CPNE3: variants seen among roughly 807,000 people sequenced by gnomAD.
CPNE3 encodes the protein copine-3.
In CPNE3, 68 loss-of-function variants were observed where a neutral mutation model predicts 63.9. That is an observed-to-expected ratio of 1.06 (90% CI 0.87 to 1.30). The LOEUF (loss-of-function observed/expected upper bound fraction) is 1.30. Among genes scored for constraint, CPNE3 ranks in the 50% most tolerant of loss-of-function variants. The pLI, the probability that CPNE3 is intolerant of heterozygous loss-of-function variation, is 0.00. For synonymous variants in CPNE3, 219 were observed against 197.5 expected (o/e 1.11, Z -0.91); for missense variants, 665 against 578.1 (o/e 1.15, Z -1.54).
chr8:86,540,632 A>G (rs1331944946), intron 8 of CPNE3, among the ~76,000 whole-genome samples: 1 of 152,178 alleles, frequency 6.6e-6, no homozygotes, highest in African/African-American at 2.4e-5. Flanking sequence ...CCTTTTAATA[A>G]GATTCCTCTG....
intron 6 of CPNE3, 129 bp from the exon 7 acceptor site, chr8:86,537,434 A>T (rs1185615300): frequency 4.7e-6 from 3 of 632,106 alleles, no homozygotes; most frequent in Non-Finnish European, 8.6e-6. Flanking sequence ...AGGTGATGGG[A>T]TGTATATTTA....
intron 7 of CPNE3, among the ~76,000 whole-genome samples, chr8:86,539,131 A>G (rs148802695): frequency 6.6e-6 from 1 of 152,158 alleles, no homozygotes; most frequent in Admixed American, 6.5e-5. Context: ...ATGGATTGTT[A>G]TAACAGTGTA....
chr8:86,542,110 A>G (rs949917375), intron 8 of CPNE3, among the ~76,000 whole-genome samples: 1 of 152,216 alleles, frequency 6.6e-6, no homozygotes, highest in Non-Finnish European at 1.5e-5. Context: ...TCTCTAATGA[A>G]TGTCTTCCAT....
At chr8:86,520,588 T>C (rs1820414369) in intron 2 of CPNE3, among the ~76,000 whole-genome samples, 1 of 150,654 alleles carries the variant, frequency 6.6e-6, no homozygotes, top group South Asian at 2.1e-4. Flanking sequence ...TGAAAAAACC[T>C]GAAGCCTGGA....
chr8:86,515,758 T>TGTCA (rs1820285364), intron 2 of CPNE3, among the ~76,000 whole-genome samples: 1 of 152,192 alleles, frequency 6.6e-6, no homozygotes, highest in East Asian at 1.9e-4. Context: ...GTAAAACATT[T>TGTCA]AGCAAAGTGC....
intron 14 of CPNE3, 59 bp from the exon 15 acceptor site, chr8:86,554,792 A>T: frequency 1.3e-6 from 2 of 1,590,270 alleles, no homozygotes; most frequent in Non-Finnish European, 1.7e-6. Flanking sequence ...AGTATTGTGA[A>T]TAAACACATT....
At chr8:86,555,026 G>C in intron 15 of CPNE3, 42 bp downstream of exon 15, 2 of 1,610,752 alleles carry the variant, frequency 1.2e-6, no homozygotes, top group African/African-American at 1.3e-5. Context: ...ATGTGGATTG[G>C]TAGCAGCTCC....
intron 16 of CPNE3, among the ~76,000 whole-genome samples, 180 bp from the exon 17 acceptor site, chr8:86,558,108 A>G (rs1489068999): frequency 6.6e-6 from 1 of 152,260 alleles, no homozygotes; most frequent in African/African-American, 2.4e-5. Flanking sequence ...AATAGCAATC[A>G]TAAGTAACAT....
At chr8:86,543,523 CT>C (rs559130315) in intron 8 of CPNE3, among the ~76,000 whole-genome samples, 236 of 152,232 alleles carry the variant, frequency 1.6e-3, no homozygotes, top group African/African-American at 5.4e-3. Context: ...ATAAAGCTCT[CT>C]ATTGGCTGAT....
At chr8:86,551,278 A>C in intron 14 of CPNE3, 44 bp downstream of exon 14, 2 of 1,278,370 alleles carry the variant, frequency 1.6e-6, no homozygotes, top group Non-Finnish European at 2.3e-6. Flanking sequence ...GGAAAGGCTC[A>C]CTAGTCTTTG....
At chr8:86,547,408 A>G in intron 10 of CPNE3, 1 of 230,508 alleles carries the variant, frequency 4.3e-6, no homozygotes. Context: ...GTTGACTGCT[A>G]TGCTTTTTAA....
chr8:86,517,455 G>A (rs1300478609), intron 2 of CPNE3, among the ~76,000 whole-genome samples: 1 of 152,058 alleles, frequency 6.6e-6, no homozygotes, highest in Non-Finnish European at 1.5e-5. Context: ...AGTTTACCAC[G>A]CCTTTAGACT....
chr8:86,545,370 G>A (rs998707617), intron 9 of CPNE3: 1 of 152,182 alleles, frequency 6.6e-6, no homozygotes, highest in South Asian at 2.1e-4. Flanking sequence ...CTGAAAGCTG[G>A]GGGCAGACCT....
In CPNE3 at chr8:86,561,397, G is replaced by T. The variant is rs1301817761; in HGVS notation, c.*2987G>T. ...TACATTTGAATTCCTTTTGGATAAA[G>T]TTATTTCTTGATGTGACAGAGTAGT... On this transcript the variant is annotated 3_prime_UTR_variant, in exon 17 of 17. Coordinates refer to ENST00000517490, the MANE Select transcript of CPNE3 (RefSeq NM_003909.5). 6.6e-6 allele frequency: 1 copy of T among 152,168 alleles called. No individual in the cohort carries two copies. The highest frequency in any genetic ancestry group is 1.9e-4 in the East Asian group (1 of 5,198). 9.4% of individuals were successfully genotyped at this position (152,168 alleles called of 1,614,324 possible).
chr8:86,551,426 G>T, intron 14 of CPNE3, 192 bp downstream of exon 14: 1 of 561,704 alleles, frequency 1.8e-6, no homozygotes, highest in Non-Finnish European at 3.1e-6. Context: ...GGTTAGGGTG[G>T]TAATGGTAAT....
At chr8:86,525,787 G>T (rs1490084804) in intron 2 of CPNE3, among the ~76,000 whole-genome samples, 1 of 151,668 alleles carries the variant, frequency 6.6e-6, no homozygotes, top group African/African-American at 2.4e-5. Context: ...ATGTTTTTTT[G>T]GGGGAAGCTT....
intron 2 of CPNE3, among the ~76,000 whole-genome samples, chr8:86,527,979 GTC>G (rs1323814340): frequency 2.0e-4 from 8 of 40,834 alleles, no homozygotes; most frequent in Admixed American, 2.2e-4. Context: ...TTTAGACAGA[GTC>G]TCTATTGCCC....
chr8:86,522,538 A>C lies in CPNE3; in HGVS notation c.-10-5998A>C, dbSNP rs866966685. On this transcript the variant is annotated intron_variant, in intron 2 of 16. Coordinates refer to ENST00000517490, the MANE Select transcript of CPNE3 (RefSeq NM_003909.5). ...TTTGGATTTACAGCCATATTACCTG[A>C]CGCCCGCTGCTTTTTTTTTTTTTTT... Among the ~76,000 whole-genome samples, 19 of 123,292 alleles carry C rather than the reference A, an allele frequency of 1.5e-4. No individual in the cohort carries two copies. The South Asian group carries it at 1.6e-3, about 11-fold the overall frequency. 80.9% of individuals were successfully genotyped at this position (123,292 alleles called of 152,430 possible).
Position 86,531,229 on chromosome 8 carries a change from G to T in CPNE3, c.387G>T (p.Thr129=), listed in dbSNP as rs367956394. The stretch of plus-strand genomic sequence containing the variant: ...GACCTGCAGGAAAAGGGAGCATTAC[G>T]GTAAAAATAAGATATTTGTCTTTTG... ...TGRPAGKGSI[T]ISAEEIKDNR... Residue 129 remains threonine, a splice_region_variant and synonymous_variant, in exon 5 of 17, where the codon ACG becomes ACT. Transcript: ENST00000517490. 1.1e-5 allele frequency: 12 copies of T among 1,134,528 alleles called. No individual in the cohort carries two copies. In the South Asian group the frequency reaches 1.3e-4, roughly 13 times the overall value. 70.3% of individuals were successfully genotyped at this position (1,134,528 alleles called of 1,614,324 possible). A position where few individuals can be genotyped will look rare whatever the true frequency, so the allele number is the denominator to read the frequency against.
Sources: allele counts gnomAD v4.1 joint callset (sites outside exome capture counted in the v4.1 genomes callset), GRCh38; gene constraint gnomAD v4.1.1; transcripts MANE v1.5; gene names NCBI Gene and HGNC (gene_info 2026-07-23, HGNC 2026-07-21).